FRMPD2: variants seen among roughly 807,000 people sequenced by gnomAD.
FRMPD2 encodes FERM and PDZ domain-containing protein 2.
Under a neutral mutation model 140.1 loss-of-function variants are expected in FRMPD2, and 96 were observed. The ratio of observed to expected loss-of-function variants is 0.69; its 90% confidence interval spans 0.58 to 0.81. FRMPD2 has a LOEUF of 0.81. FRMPD2 is among the 40% of genes least tolerant of loss of function. FRMPD2 has a pLI of 0.00. For missense variants in FRMPD2, 1,240 were observed against 1,447.4 expected, an observed-to-expected ratio of 0.86 and a Z score of 2.32; for synonymous variants, 449 against 547.6, an observed-to-expected ratio of 0.82 and a Z score of 2.52.
intron 12 of FRMPD2, among the ~76,000 whole-genome samples, chr10:48,212,448 A>G (rs1220447107): frequency 6.6e-6 from 1 of 152,212 alleles, no homozygotes; most frequent in Non-Finnish European, 1.5e-5. Context: ...AGGTCACTCA[A>G]CAGGGCGAAG....
intron 1 of FRMPD2, among the ~76,000 whole-genome samples, chr10:48,271,387 A>G (rs756262271): frequency 1.1e-4 from 17 of 152,218 alleles, no homozygotes; most frequent in Admixed American, 6.5e-4. Context: ...GCACTTTTTT[A>G]AAATGTCTAA....
At chr10:48,244,705 TG>T in intron 4 of FRMPD2, 78 bp downstream of exon 4, 1 of 1,062,826 alleles carries the variant, frequency 9.4e-7, no homozygotes, top group Non-Finnish European at 1.5e-6. Context: ...TCAGTAAATG[TG>T]GTCCCTGCCC....
chr10:48,245,677 G>A (rs1840231106), intron 3 of FRMPD2, among the ~76,000 whole-genome samples: 1 of 152,156 alleles, frequency 6.6e-6, no homozygotes, highest in Non-Finnish European at 1.5e-5. Flanking sequence ...AGTCCTCACT[G>A]CAATCCTGTG....
chr10:48,246,045 C>T (rs554791937), intron 3 of FRMPD2, among the ~76,000 whole-genome samples: 1 of 152,304 alleles, frequency 6.6e-6, no homozygotes, highest in African/African-American at 2.4e-5. Flanking sequence ...CCAGCTCCCA[C>T]CCCTCAGATG....
chr10:48,189,615 T>C (rs902950131), intron 16 of FRMPD2, among the ~76,000 whole-genome samples: 10 of 152,158 alleles, frequency 6.6e-5, no homozygotes, highest in Non-Finnish European at 1.3e-4. Context: ...GGACCACATC[T>C]GTCATGCTCA....
At chr10:48,264,061 A>G (rs1031471531) in intron 1 of FRMPD2, among the ~76,000 whole-genome samples, 2 of 152,102 alleles carry the variant, frequency 1.3e-5, no homozygotes, top group African/African-American at 2.4e-5. Context: ...ATTAATACAG[A>G]AAAAGCATTT....
intron 4 of FRMPD2, among the ~76,000 whole-genome samples, chr10:48,243,274 G>C (rs1241776333): frequency 2.0e-5 from 3 of 152,210 alleles, no homozygotes; most frequent in Non-Finnish European, 4.4e-5. Context: ...GGAAGCACAG[G>C]CCATGGCACT....
intron 8 of FRMPD2, 90 bp from the exon 9 acceptor site, chr10:48,236,643 C>A (rs1293432808): frequency 4.3e-6 from 5 of 1,155,532 alleles, no homozygotes; most frequent in Non-Finnish European, 6.5e-6. Flanking sequence ...CTGCAGCCCC[C>A]ACCAGCATAC....
At chr10:48,251,778 C>T (rs1236074475) in intron 1 of FRMPD2, 87 bp from the exon 2 acceptor site, 1 of 1,531,774 alleles carries the variant, frequency 6.5e-7, no homozygotes, top group East Asian at 2.3e-5. Flanking sequence ...TGCAGCCAGG[C>T]ATGGTCTGGC....
At chr10:48,167,883 C>T (rs1286116924) in intron 27 of FRMPD2, among the ~76,000 whole-genome samples, 2 of 149,054 alleles carry the variant, frequency 1.3e-5, no homozygotes, top group African/African-American at 5.0e-5. Flanking sequence ...AGACTGACCT[C>T]TCTGAGGAGG....
In FRMPD2 at chr10:48,192,753, A is replaced by G. The variant is rs766909761; in HGVS notation, c.2096T>C (p.Leu699Pro). 1 of 1,614,162 alleles carries G rather than the reference A, an allele frequency of 6.2e-7. No homozygotes were observed. The highest frequency in any genetic ancestry group is 8.5e-7 in the Non-Finnish European group (1 of 1,180,020). ...GTTGAAGTTATCCATTGATGTACTC[A>G]GCAGGCCTCCTGCAGCACCCTGAAG... ...SRLQGAAGGL[L>P]STSMDNFNVD... The change falls in exon 16 of 29, where the codon CTG becomes CCG. Residue 699 changes from leucine to proline, a missense_variant. Around this residue, in one of 6 missense-constraint regions of FRMPD2, gnomAD observed 1,161 missense variants for 1,055.9 expected, o/e 1.10. Transcript: ENST00000374201.
At chr10:48,262,054 C>T (rs185593837) in intron 1 of FRMPD2, among the ~76,000 whole-genome samples, 1 of 152,084 alleles carries the variant, frequency 6.6e-6, no homozygotes, top group Admixed American at 6.5e-5. Context: ...GAAACAAAAA[C>T]CAATTGCAAC....
chr10:48,217,587 A>T (rs2131894049), intron 12 of FRMPD2, among the ~76,000 whole-genome samples: 1 of 152,338 alleles, frequency 6.6e-6, no homozygotes, highest in Non-Finnish European at 1.5e-5. Context: ...AGGAGATATC[A>T]ATGTGCATTG....
intron 1 of FRMPD2, among the ~76,000 whole-genome samples, chr10:48,252,196 A>T (rs1840401480): frequency 6.6e-6 from 1 of 152,134 alleles, no homozygotes; most frequent in South Asian, 2.1e-4. Context: ...ACCTGCCTGA[A>T]GTGCCAGAGC....
rs542984038 is a variant in FRMPD2, at chr10:48,220,098, T to C, written c.1455+2215A>G. On this transcript the variant is annotated intron_variant, in intron 12 of 28. Transcript: ENST00000374201. Reference sequence around the variant, plus strand: ...TGGGTAAATGCCAGGTACATAGTGATCTTTTAATAAAGGTTGGCTATTACT... The same window carrying C: ...TGGGTAAATGCCAGGTACATAGTGACCTTTTAATAAAGGTTGGCTATTACT... Among the ~76,000 whole-genome samples the C allele has an allele frequency of 4.6e-5, 7 of 152,302 alleles. No homozygotes were observed. The East Asian group carries it at 1.2e-3, about 25-fold the overall frequency.
At position 48,257,799 on chromosome 10, in the gene FRMPD2, C is replaced by T. The variant is rs527633040; in HGVS notation, c.26-6108G>A. ...GCAGCAGCGACCTCATGGAACTGCC[C>T]AAGTGCTCAGCACATAAAAGGTGAT... On this transcript the variant is annotated intron_variant, in intron 1 of 28. Transcript: ENST00000374201. Among the ~76,000 whole-genome samples, 22 of 152,236 alleles carry T rather than the reference C, an allele frequency of 1.4e-4. No individual in the cohort carries two copies. In the East Asian group the frequency reaches 3.9e-3, roughly 27 times the overall value.
In FRMPD2 at chr10:48,185,620, G is replaced by A; in HGVS notation, c.2292C>T (p.Ser764=). 2 of 1,613,966 alleles carry A rather than the reference G, an allele frequency of 1.2e-6. No individual in the cohort carries two copies. The change falls in exon 18 of 29, where the codon AGC becomes AGT. Residue 764 remains serine (S), a synonymous_variant. Coordinates refer to ENST00000374201, the MANE Select transcript of FRMPD2 (RefSeq NM_001018071.4). The part of the protein sequence containing the change: ...HAGSKNNRRK[S]FIAEPGREIV... ...TTTCTCGGCCCGGTTCAGCTATAAA[G>A]CTCTTCCTCCTATTATTCTTTGAGC...
chr10:48,250,159 G>T (rs1840342287), intron 2 of FRMPD2, among the ~76,000 whole-genome samples: 1 of 152,116 alleles, frequency 6.6e-6, no homozygotes, highest in Non-Finnish European at 1.5e-5. Context: ...ACCCTAAAGG[G>T]TCGCCCCAAC....
chr10:48,224,987 T>C (rs1053671611), intron 10 of FRMPD2, among the ~76,000 whole-genome samples: 3 of 152,210 alleles, frequency 2.0e-5, no homozygotes, highest in African/African-American at 4.8e-5. Context: ...ATGAGAACTA[T>C]GGGGATAAGA....
Sources: gnomAD v4.1 joint callset for allele counts (sites outside exome capture counted in the v4.1 genomes callset) on GRCh38, gnomAD v4.1.1 for gene constraint, gnomAD v4.1.1 regional missense constraint, MANE v1.5 for transcripts, NCBI Gene and HGNC (gene_info 2026-07-23, HGNC 2026-07-21) for gene names.